PLEKHA7: variants seen among roughly 807,000 people sequenced by gnomAD.
The protein encoded by PLEKHA7 is pleckstrin homology domain-containing family A member 7.
In PLEKHA7, 104 loss-of-function variants were observed where a neutral mutation model predicts 170.0. That is an observed-to-expected ratio of 0.61 (90% CI 0.52 to 0.72). The LOEUF (loss-of-function observed/expected upper bound fraction) is 0.72. Among genes scored for constraint, PLEKHA7 ranks in the 30% least tolerant of loss-of-function variants. PLEKHA7 has a pLI of 0.00. For missense variants in PLEKHA7, 1,615 were observed against 1,671.7 expected, an observed-to-expected ratio of 0.97 and a Z score of 0.59; for synonymous variants, 648 against 660.8, an observed-to-expected ratio of 0.98 and a Z score of 0.30.
chr11:16,924,467 C>T (rs1470471911), intron 3 of PLEKHA7, among the ~76,000 whole-genome samples: 2 of 152,178 alleles, frequency 1.3e-5, no homozygotes, highest in African/African-American at 4.8e-5. Context: ...TGAGAGGACT[C>T]AGGTCTCCTA....
At chr11:17,012,750 A>C (rs1266472921) in intron 3 of PLEKHA7, among the ~76,000 whole-genome samples, 1 of 152,194 alleles carries the variant, frequency 6.6e-6, no homozygotes, top group Non-Finnish European at 1.5e-5. Flanking sequence ...CAACTGATGC[A>C]GTTATGAGCC....
chr11:16,924,647 C>T (rs1180131964), intron 3 of PLEKHA7, among the ~76,000 whole-genome samples: 1 of 152,106 alleles, frequency 6.6e-6, no homozygotes, highest in Non-Finnish European at 1.5e-5. Context: ...AAAGGGGAAC[C>T]CTTCGGGGGC....
At position 16,856,559 on chromosome 11, in the gene PLEKHA7, A is replaced by C. The variant is rs566378939; in HGVS notation, c.306-645T>G. On this transcript the variant is annotated intron_variant, in intron 4 of 26. Transcript: ENST00000531066. ...GAAATGAAATAAGCCTTGGGCCCCC[A>C]GTAAGAATATCTGGGCTTCCCCATC... Among the ~76,000 whole-genome samples the C allele has an allele frequency of 1.8e-4, 28 of 152,260 alleles. 1 individual carries two copies. The South Asian group carries it at 5.2e-3, about 28-fold the overall frequency.
At chr11:16,883,795 C>G (rs1201484377) in intron 3 of PLEKHA7, among the ~76,000 whole-genome samples, 1 of 152,176 alleles carries the variant, frequency 6.6e-6, no homozygotes, top group Non-Finnish European at 1.5e-5. Flanking sequence ...AGGAATTATA[C>G]TTCCCAACAG....
chr11:16,806,833 G>A (rs932588855), intron 13 of PLEKHA7, among the ~76,000 whole-genome samples: 1 of 152,198 alleles, frequency 6.6e-6, no homozygotes, highest in African/African-American at 2.4e-5. Flanking sequence ...AACTCTGTCT[G>A]GGTGAGCCCT....
chr11:16,972,008 G>A (rs1158029996), intron 3 of PLEKHA7, among the ~76,000 whole-genome samples: 1 of 152,066 alleles, frequency 6.6e-6, no homozygotes, highest in South Asian at 2.1e-4. Flanking sequence ...ATTTTTAGTA[G>A]AGATGGGGTT....
intron 25 of PLEKHA7, among the ~76,000 whole-genome samples, chr11:16,783,421 C>T (rs1163631644): frequency 6.6e-6 from 1 of 152,260 alleles, no homozygotes; most frequent in African/African-American, 2.4e-5. Flanking sequence ...TGGCTCCATT[C>T]TCCACACTTG....
At chr11:16,816,381 G>T in intron 11 of PLEKHA7, 117 bp from the exon 12 acceptor site, 1 of 725,840 alleles carries the variant, frequency 1.4e-6, no homozygotes. Context: ...TATGAAATGA[G>T]CACACACATC....
intron 11 of PLEKHA7, 39 bp downstream of exon 11, chr11:16,816,761 T>TGA (rs148540248): frequency 0.026 from 40,847 of 1,598,630 alleles, 669 homozygotes; most frequent in South Asian, 0.041. Flanking sequence ...GGCGCCCTCA[T>TGA]GATGACCCAG....
At chr11:16,803,586 C>A in intron 13 of PLEKHA7, 1 of 362,650 alleles carries the variant, frequency 2.8e-6, no homozygotes, top group Admixed American at 4.2e-5. Context: ...TATATATTTG[C>A]CTAAAATGAA....
intron 3 of PLEKHA7, among the ~76,000 whole-genome samples, chr11:16,978,854 A>G (rs1863230668): frequency 6.6e-6 from 1 of 152,178 alleles, no homozygotes; most frequent in Admixed American, 6.5e-5. Flanking sequence ...AAGCATATAC[A>G]TATAAACACA....
chr11:16,846,976 G>C (rs1331380088), intron 8 of PLEKHA7, among the ~76,000 whole-genome samples: 1 of 151,832 alleles, frequency 6.6e-6, no homozygotes, highest in African/African-American at 2.4e-5. Context: ...TACTTAACCT[G>C]TCCCGAGGGC....
chr11:16,828,614 CTCCTTTTA>C (rs1850851522), intron 9 of PLEKHA7, among the ~76,000 whole-genome samples: 1 of 152,220 alleles, frequency 6.6e-6, no homozygotes, highest in Non-Finnish European at 1.5e-5. Context: ...ATCTTTGGAA[CTCCTTTTA>C]TCCAACAGAG....
chr11:16,810,117 G>C (rs1433096194), intron 13 of PLEKHA7, among the ~76,000 whole-genome samples: 1 of 152,244 alleles, frequency 6.6e-6, no homozygotes, highest in Non-Finnish European at 1.5e-5. Flanking sequence ...CAATGTGGCT[G>C]AGCCCCGGGA....
chr11:16,913,422 G>A (rs1345466132), intron 3 of PLEKHA7, among the ~76,000 whole-genome samples: 2 of 152,128 alleles, frequency 1.3e-5, no homozygotes, highest in East Asian at 3.9e-4. Flanking sequence ...CTCGATGCAA[G>A]GACTGCCCTC....
In PLEKHA7 at chr11:16,791,864, A is replaced by G; in HGVS notation, c.2746-665T>C. The stretch of plus-strand genomic sequence containing the variant: ...ATTTTCCTTGAAACTCCCTGTCCAC[A>G]GTGTTCTGTGAGGGCTGTGGTTCCT... On this transcript the variant is annotated intron_variant, in intron 19 of 26. Coordinates refer to ENST00000531066, the MANE Select transcript of PLEKHA7 (RefSeq NM_001329630.2). The surrounding 1 kb of genome is among the most constrained non-coding windows in gnomAD (Gnocchi z 4.5). The G allele has an allele frequency of 2.7e-6, 1 of 368,320 alleles. No individual in the cohort carries two copies. Among genetic ancestry groups the G allele is most frequent in the Non-Finnish European group, 5.4e-6 (1 of 184,294 alleles). The allele number at this position is 368,320 out of a possible 1,614,324, so 22.8% of individuals were successfully genotyped here.
chr11:16,802,442 G>C (rs1848657250), intron 15 of PLEKHA7, among the ~76,000 whole-genome samples: 1 of 152,168 alleles, frequency 6.6e-6, no homozygotes, highest in African/African-American at 2.4e-5. Context: ...CCTCTCCCAG[G>C]CTCACCTCAC....
chr11:16,914,077 A>G (rs564374341), intron 3 of PLEKHA7, among the ~76,000 whole-genome samples: 1 of 152,356 alleles, frequency 6.6e-6, no homozygotes, highest in African/African-American at 2.4e-5. Context: ...ACCAAATAAA[A>G]ATGTTCTTAA....
intron 3 of PLEKHA7, among the ~76,000 whole-genome samples, chr11:16,978,332 G>A (rs1255578607): frequency 1.3e-5 from 2 of 152,068 alleles, no homozygotes; most frequent in African/African-American, 2.4e-5. Context: ...AGGAAACACG[G>A]GAAACAAAAG....
Sources: gnomAD v4.1 joint callset for allele counts (sites outside exome capture counted in the v4.1 genomes callset) on GRCh38, gnomAD v4.1.1 for gene constraint, Gnocchi (gnomAD v3.1) non-coding constraint, MANE v1.5 for transcripts, NCBI Gene and HGNC (gene_info 2026-07-23, HGNC 2026-07-21) for gene names.